UBN2: variants seen among roughly 807,000 people sequenced by gnomAD.
The protein encoded by UBN2 is ubinuclein-2.
UBN2 carries 35 observed loss-of-function variants against 120.2 expected under a neutral mutation model. That is an observed-to-expected ratio of 0.29 (90% confidence interval 0.22 to 0.39). The LOEUF (loss-of-function observed/expected upper bound fraction) is 0.39. UBN2 is among the 10% of genes least tolerant of loss of function. The pLI is 1.00. For missense variants in UBN2, 1,693 were observed against 1,663.2 expected, an observed-to-expected ratio of 1.02 and a Z score of -0.31; for synonymous variants, 661 against 648.7, an observed-to-expected ratio of 1.02 and a Z score of -0.29.
intron 2 of UBN2, among the ~76,000 whole-genome samples, chr7:139,242,991 A>C (rs569610175): frequency 6.6e-6 from 1 of 152,292 alleles, no homozygotes; most frequent in Admixed American, 6.5e-5. Flanking sequence ...TTTTTTAGTA[A>C]TCAGGGTCAT....
At chr7:139,264,117 T>A (rs1350767121) in intron 6 of UBN2, among the ~76,000 whole-genome samples, 1 of 152,222 alleles carries the variant, frequency 6.6e-6, no homozygotes, top group African/African-American at 2.4e-5. Flanking sequence ...CATTACTTTT[T>A]AAAAAATACT....
At chr7:139,235,450 T>G (rs1796139517) in intron 1 of UBN2, among the ~76,000 whole-genome samples, 1 of 152,212 alleles carries the variant, frequency 6.6e-6, no homozygotes, top group African/African-American at 2.4e-5. Flanking sequence ...CAGGTTGGAG[T>G]GCAGTGGCGC....
Position 139,307,921 on chromosome 7 carries a change from A to G in UBN2, c.*10085A>G, listed in dbSNP as rs537539127. 1.3e-5 allele frequency: 2 copies of G among 152,178 alleles called. No individual in the cohort carries two copies. Among genetic ancestry groups the G allele is most frequent in the South Asian group, 2.1e-4 (1 of 4,824 alleles). The allele number at this position is 152,178 out of a possible 1,614,324, so 9.4% of individuals were successfully genotyped here. Reference sequence around the variant, plus strand: ...AAATCACACATTTCATAAAACCCTGATGAATTTTGGATATGTGAGAGGGCA... The same window carrying G: ...AAATCACACATTTCATAAAACCCTGGTGAATTTTGGATATGTGAGAGGGCA... On this transcript the variant is annotated 3_prime_UTR_variant, in exon 18 of 18. Coordinates refer to ENST00000473989, the MANE Select transcript of UBN2 (RefSeq NM_173569.4).
At chr7:139,263,393 C>T (rs1042997279) in intron 6 of UBN2, among the ~76,000 whole-genome samples, 10 of 152,008 alleles carry the variant, frequency 6.6e-5, no homozygotes, top group Middle Eastern at 3.2e-3. Flanking sequence ...AATATGGGAA[C>T]AGTATCTTGT....
chr7:139,296,395 A>G (rs1048285629), intron 17 of UBN2, among the ~76,000 whole-genome samples: 5 of 152,220 alleles, frequency 3.3e-5, no homozygotes, highest in Admixed American at 1.3e-4. Context: ...GATTTGGCCT[A>G]TGGGCTGTAG....
chr7:139,309,475 A>G (rs1798419031), downstream of UBN2, among the ~76,000 whole-genome samples: 1 of 152,220 alleles, frequency 6.6e-6, no homozygotes, highest in Non-Finnish European at 1.5e-5. Context: ...CCCTGTGGTT[A>G]TGTAATTTAA....
chr7:139,272,502 G>C, intron 9 of UBN2, 62 bp downstream of exon 9: 1 of 656,546 alleles, frequency 1.5e-6, no homozygotes, highest in Non-Finnish European at 2.5e-6. Flanking sequence ...CGTTATGTAT[G>C]TATGTATGTA....
chr7:139,233,075 A>T (rs761363704), intron 1 of UBN2, among the ~76,000 whole-genome samples: 5 of 152,194 alleles, frequency 3.3e-5, no homozygotes, highest in Admixed American at 6.5e-5. Flanking sequence ...TATGGTCAAA[A>T]TGACTGACTG....
At chr7:139,297,275 C>T (rs938477747) in intron 17 of UBN2, among the ~76,000 whole-genome samples, 4 of 151,700 alleles carry the variant, frequency 2.6e-5, no homozygotes, top group Admixed American at 6.6e-5. Flanking sequence ...AATGAGCACA[C>T]ACTCAGCTGG....
intron 17 of UBN2, 111 bp from the exon 18 acceptor site, chr7:139,297,676 C>A: frequency 1.1e-6 from 1 of 928,226 alleles, no homozygotes; most frequent in Non-Finnish European, 1.7e-6. Context: ...GATATCTTTT[C>A]AGAGATGTCA....
At position 139,304,706 on chromosome 7, in the gene UBN2, G is replaced by GGGGGGTGTGTGTGTGTGTGTGTGTGT; in HGVS notation, c.*6871_*6872insGGGGTGTGTGTGTGTGTGTGTGTGTG. ...AGGTCCACTGAATCTCTAATGATAG[G>GGGGGGTGTGTGTGTGTGTGTGTGTGT]GTGTGTGTGTGTGTGTGTGTGTGTG... On this transcript the variant is annotated 3_prime_UTR_variant, in exon 18 of 18. Transcript: ENST00000473989. 1 of 140,480 alleles carries GGGGGGTGTGTGTGTGTGTGTGTGTGT rather than the reference G, an allele frequency of 7.1e-6. No homozygotes were observed. Among genetic ancestry groups the GGGGGGTGTGTGTGTGTGTGTGTGTGT allele is most frequent in the African/African-American group, 2.6e-5 (1 of 38,132 alleles). 8.7% of individuals were successfully genotyped at this position (140,480 alleles called of 1,614,324 possible). A position where few individuals can be genotyped will look rare whatever the true frequency, so the allele number is the denominator to read the frequency against.
the UBN2 span, among the ~76,000 whole-genome samples, chr7:139,322,921 A>C: frequency 3.6e-4 from 55 of 152,236 alleles, no homozygotes; most frequent in African/African-American, 1.3e-3. Flanking sequence ...TTCACACAGG[A>C]CAGAAAGAAG....
intron 2 of UBN2, among the ~76,000 whole-genome samples, chr7:139,249,879 A>T (rs1796573186): frequency 6.6e-6 from 1 of 151,442 alleles, no homozygotes; most frequent in East Asian, 1.9e-4. Flanking sequence ...AAAAAAAAAA[A>T]TTTGTTGAGA....
chr7:139,253,887 GT>G (rs1796687266), intron 3 of UBN2, among the ~76,000 whole-genome samples: 1 of 152,112 alleles, frequency 6.6e-6, no homozygotes, highest in Admixed American at 6.6e-5. Context: ...CTTTTTTCCT[GT>G]TGCTACAGTG....
Position 139,271,351 on chromosome 7 carries a change from C to T in UBN2, c.1597-971C>T, listed in dbSNP as rs561623693. On this transcript the variant is annotated intron_variant, in intron 8 of 17. Coordinates refer to ENST00000473989, the MANE Select transcript of UBN2 (RefSeq NM_173569.4). ...CCTGTAATCCGAGCACTTTGGGAGGCCGAGGCAGGCAGATCACTTGAGGCC... is the reference window on the plus strand; with the variant it reads ...CCTGTAATCCGAGCACTTTGGGAGGTCGAGGCAGGCAGATCACTTGAGGCC... 1.6e-4 allele frequency among the ~76,000 whole-genome samples: 24 copies of T among 152,188 alleles called. No homozygotes were observed. In the South Asian group the frequency reaches 4.6e-3, roughly 29 times the overall value.
chr7:139,274,161 T>TG, intron 11 of UBN2, 87 bp downstream of exon 11: 13 of 1,297,498 alleles, frequency 1.0e-5, no homozygotes, highest in Non-Finnish European at 1.3e-5. Context: ...ATATGTGACA[T>TG]TGATTTTGCT....
rs1245834087 is a variant in UBN2, at chr7:139,231,495, C to T, written c.11C>T (p.Pro4Leu). Residue 4 changes from proline (P) to leucine (L), a missense_variant, in exon 1 of 18, where the codon CCG becomes CTG. This residue lies in a region of UBN2 where 663 missense variants were observed against 591.2 expected (regional missense o/e 1.12). Coordinates refer to ENST00000473989, the MANE Select transcript of UBN2 (RefSeq NM_173569.4). MAE[P>L]RRVAFISLSP... ...GCCAGAACAGTGGGGATGGCGGAGC[C>T]GCGCAGAGTAGCGTTCATTAGCTTG... is the stretch of plus-strand genomic sequence containing the variant. 35 of 1,390,104 alleles carry T rather than the reference C, an allele frequency of 2.5e-5. No homozygotes were observed. In the East Asian group the frequency reaches 6.4e-4, roughly 26 times the overall value. The allele number at this position is 1,390,104 out of a possible 1,614,324, so 86.1% of individuals were successfully genotyped here. A position where few individuals can be genotyped will look rare whatever the true frequency, so the allele number is the denominator to read the frequency against.
At chr7:139,260,478 A>G (rs1258821784) in intron 5 of UBN2, among the ~76,000 whole-genome samples, 1 of 152,172 alleles carries the variant, frequency 6.6e-6, no homozygotes, top group Non-Finnish European at 1.5e-5. Context: ...AGAATAAAAT[A>G]TTTGTATAAT....
At position 139,283,837 on chromosome 7, in the gene UBN2, C is replaced by T. The variant is rs753195328; in HGVS notation, c.2932C>T (p.Leu978Phe). The change falls in exon 15 of 18, where the codon CTT (leucine) becomes TTT (phenylalanine). Residue 978 changes from leucine to phenylalanine, a missense_variant. Transcript: ENST00000473989. ...ACTTATTAAGACTTCAGATAAGCCA[C>T]TTATGTACCGCCTTCCCTTATCTAC... ...SSLIKTSDKPLMYRLPLSTPS... is the reference protein window; with the variant it reads ...SSLIKTSDKPFMYRLPLSTPS... 2 of 1,614,172 alleles carry T rather than the reference C, an allele frequency of 1.2e-6. No individual in the cohort carries two copies. Among genetic ancestry groups the T allele is most frequent in the Non-Finnish European group, 1.7e-6 (2 of 1,180,022 alleles).
Sources: allele counts gnomAD v4.1 joint callset (sites outside exome capture counted in the v4.1 genomes callset), GRCh38; gene constraint gnomAD v4.1.1; regional missense constraint gnomAD v4.1.1; transcripts MANE v1.5; gene names NCBI Gene and HGNC (gene_info 2026-07-23, HGNC 2026-07-21).